LRBA: variants seen among roughly 807,000 people sequenced by gnomAD.
LRBA encodes the protein LPS responsive beige-like anchor protein.
In LRBA, 176 loss-of-function variants were observed where a neutral mutation model predicts 330.0. The observed-to-expected ratio is 0.53, with a 90% CI of 0.47 to 0.60. The LOEUF is 0.60. Among genes scored for constraint, LRBA ranks in the 20% least tolerant of loss-of-function variants. The probability of loss-of-function intolerance (pLI) is 0.00; values close to 1 mark genes in which losing one functional copy is unlikely to be tolerated. For missense variants in LRBA, 3,259 were observed against 3,444.8 expected (o/e 0.95, Z 1.35); for synonymous variants, 1,230 against 1,193.0 (o/e 1.03, Z -0.64).
intron 34 of LRBA, among the ~76,000 whole-genome samples, chr4:150,794,502 A>T (rs1445911863): frequency 6.6e-6 from 1 of 151,834 alleles, no homozygotes; most frequent in African/African-American, 2.4e-5. Context: ...AAAAAATTCA[A>T]ACATAAAACT....
At chr4:150,901,065 A>G (rs1730668037) in intron 13 of LRBA, among the ~76,000 whole-genome samples, 1 of 152,162 alleles carries the variant, frequency 6.6e-6, no homozygotes, top group African/African-American at 2.4e-5. Context: ...TAGGAGGCTG[A>G]GGCGGGCAGA....
Position 150,718,363 on chromosome 4 carries a change from G to T in LRBA, c.5754+16895C>A, listed in dbSNP as rs1728510840. Among the ~76,000 whole-genome samples the T allele has an allele frequency of 2.6e-5, 4 of 152,028 alleles. 1 individual carries two copies. The South Asian group carries it at 8.3e-4, about 31-fold the overall frequency. ...GATGACAACATCTTTTTTTGCAGAA[G>T]AAGGTAATTAGCAGTAGATAAAATT... On this transcript the variant is annotated intron_variant, in intron 36 of 56. Coordinates refer to ENST00000651943, the MANE Select transcript of LRBA (RefSeq NM_001364905.1).
intron 43 of LRBA, among the ~76,000 whole-genome samples, chr4:150,468,290 G>A (rs1049789570): frequency 3.3e-5 from 5 of 151,928 alleles, no homozygotes; most frequent in Non-Finnish European, 5.9e-5. Context: ...TAAAATGAGG[G>A]CATTGCACTA....
chr4:150,518,931 T>C (rs1397961445), intron 40 of LRBA, among the ~76,000 whole-genome samples: 1 of 152,158 alleles, frequency 6.6e-6, no homozygotes, highest in Non-Finnish European at 1.5e-5. Flanking sequence ...TGAGGACCGG[T>C]ATCCTTAAAT....
At chr4:150,522,624 A>G (rs1467257339) in intron 40 of LRBA, among the ~76,000 whole-genome samples, 2 of 152,196 alleles carry the variant, frequency 1.3e-5, no homozygotes, top group African/African-American at 4.8e-5. Context: ...GCACAGCTCA[A>G]GTCTCCGCTT....
intron 46 of LRBA, chr4:150,423,442 T>C: frequency 1.7e-6 from 1 of 601,830 alleles, no homozygotes; most frequent in South Asian, 2.0e-5. Flanking sequence ...GGCGGTGAGC[T>C]GTTGCCAGCG....
chr4:150,822,871 C>T (rs1202516276), intron 30 of LRBA, among the ~76,000 whole-genome samples: 1 of 152,188 alleles, frequency 6.6e-6, no homozygotes, highest in Non-Finnish European at 1.5e-5. Flanking sequence ...ATGGTGAAAC[C>T]TCATCTCTAC....
intron 9 of LRBA, among the ~76,000 whole-genome samples, chr4:150,911,388 G>GT (rs1177707194): frequency 3.3e-5 from 5 of 151,558 alleles, no homozygotes; most frequent in East Asian, 3.9e-4. Context: ...AGTGTTTTAG[G>GT]TTTTTTTTAA....
rs770616497 is a variant in LRBA, at chr4:150,721,174, T to C, written c.5754+14084A>G. ...GCAATGGCCATATTTGGTTACATGA[T>C]AGATACCAGGACTGTGGAGCCTCTC... On this transcript the variant is annotated intron_variant, in intron 36 of 56. Transcript: ENST00000651943. 28 of 571,408 alleles carry C rather than the reference T, an allele frequency of 4.9e-5. 1 individual carries two copies. Among genetic ancestry groups the C allele is most frequent in the Admixed American group, 2.1e-4 (10 of 48,254 alleles). 35.4% of individuals were successfully genotyped at this position (571,408 alleles called of 1,614,324 possible).
At chr4:150,792,334 A>G (rs1397320945) in intron 34 of LRBA, among the ~76,000 whole-genome samples, 7 of 152,146 alleles carry the variant, frequency 4.6e-5, no homozygotes, top group Admixed American at 4.6e-4. Flanking sequence ...ACAGTAATAG[A>G]AATCAAATCA....
chr4:150,433,159 CCTT>C (rs2151987847), intron 46 of LRBA, among the ~76,000 whole-genome samples: 1 of 152,026 alleles, frequency 6.6e-6, no homozygotes, highest in Non-Finnish European at 1.5e-5. Flanking sequence ...GGATTTGACT[CCTT>C]ATTATTTGTG....
intron 40 of LRBA, among the ~76,000 whole-genome samples, chr4:150,538,524 A>G (rs1764933035): frequency 6.6e-6 from 1 of 152,196 alleles, no homozygotes; most frequent in Non-Finnish European, 1.5e-5. Flanking sequence ...TCCTGAGTGA[A>G]TTAATGCAGG....
At chr4:150,418,951 T>G (rs1027862880) in intron 46 of LRBA, among the ~76,000 whole-genome samples, 1 of 152,078 alleles carries the variant, frequency 6.6e-6, no homozygotes, top group Non-Finnish European at 1.5e-5. Flanking sequence ...TCTCAAAATC[T>G]ACAGTCAGCA....
At chr4:150,719,270 C>G (rs192921026) in intron 36 of LRBA, among the ~76,000 whole-genome samples, 2 of 152,096 alleles carry the variant, frequency 1.3e-5, no homozygotes, top group South Asian at 4.1e-4. Flanking sequence ...CCATCATTCT[C>G]TCTCATTCAC....
chr4:150,288,575 C>T (rs539367429), intron 53 of LRBA, among the ~76,000 whole-genome samples: 2 of 152,182 alleles, frequency 1.3e-5, no homozygotes, highest in African/African-American at 2.4e-5. Context: ...GGCAACAGAG[C>T]GAGACTCCGT....
chr4:150,924,489 G>C (rs143586330), intron 4 of LRBA, among the ~76,000 whole-genome samples: 128 of 152,144 alleles, frequency 8.4e-4, no homozygotes, highest in African/African-American at 2.9e-3. Context: ...TCCAACCTGG[G>C]TAACAGAGCA....
chr4:150,957,470 A>G (rs1229050737), intron 2 of LRBA, among the ~76,000 whole-genome samples: 1 of 148,556 alleles, frequency 6.7e-6, no homozygotes, highest in Non-Finnish European at 1.5e-5. Context: ...AACATGTGGG[A>G]ATTGTGGGAG....
intron 40 of LRBA, among the ~76,000 whole-genome samples, chr4:150,508,253 G>C (rs1348149796): frequency 4.5e-5 from 4 of 88,034 alleles, no homozygotes; most frequent in African/African-American, 8.7e-5. Flanking sequence ...GGGGGGGGGG[G>C]AGAAAAAGAC....
intron 37 of LRBA, among the ~76,000 whole-genome samples, chr4:150,677,326 A>G (rs1249908436): frequency 1.3e-5 from 2 of 152,242 alleles, no homozygotes; most frequent in Admixed American, 6.5e-5. Flanking sequence ...AATATCAAGA[A>G]AAACTGGAGA....
Sources: gnomAD v4.1 joint callset for allele counts (sites outside exome capture counted in the v4.1 genomes callset) on GRCh38, gnomAD v4.1.1 for gene constraint, MANE v1.5 for transcripts, NCBI Gene and HGNC (gene_info 2026-07-23, HGNC 2026-07-21) for gene names.